Variants in STMN1 observed in about 807,000 individuals in gnomAD.
The protein encoded by STMN1 is stathmin.
STMN1 carries 3 observed loss-of-function variants against 19.7 expected under a neutral mutation model. That is an observed-to-expected ratio of 0.15 (90% CI 0.07 to 0.39). The LOEUF is 0.39. STMN1 is among the 10% of genes least tolerant of loss of function. The pLI, the probability that STMN1 is intolerant of heterozygous loss-of-function variation, is 1.00. For missense variants in STMN1, 99 were observed against 176.0 expected, an observed-to-expected ratio of 0.56 and a Z score of 2.48; for synonymous variants, 59 against 58.9, an observed-to-expected ratio of 1.00 and a Z score of -0.01.
chr1:25,889,217 T>C (rs372644858), intron 4 of STMN1: 9 of 287,394 alleles, frequency 3.1e-5, no homozygotes, highest in East Asian at 2.8e-4. Context: ...ACATGTTTTA[T>C]TGGGAATACA....
chr1:25,887,801 G>A (rs1020164957), intron 4 of STMN1, among the ~76,000 whole-genome samples: 2 of 151,996 alleles, frequency 1.3e-5, no homozygotes, highest in Non-Finnish European at 2.9e-5. Context: ...GTTCTCCTGC[G>A]TCAGCCTCCT....
chr1:25,904,048 C>G (rs2048906974), intron 2 of STMN1, among the ~76,000 whole-genome samples: 1 of 152,156 alleles, frequency 6.6e-6, no homozygotes, highest in East Asian at 1.9e-4. Context: ...TACCATGGCT[C>G]ATGCCTATAA....
downstream of STMN1, among the ~76,000 whole-genome samples, chr1:25,896,245 T>A: frequency 6.6e-6 from 1 of 152,174 alleles, no homozygotes; most frequent in East Asian, 1.9e-4. Context: ...CATGATAACC[T>A]CATAGGGCTG....
intron 4 of STMN1, 175 bp downstream of exon 4, chr1:25,901,316 T>G: frequency 8.9e-7 from 1 of 1,122,586 alleles, no homozygotes; most frequent in Non-Finnish European, 1.2e-6. Context: ...ACTGTGCAAT[T>G]ATGCTGGGAA....
At chr1:25,885,797 C>T (rs773031895) in exon 5 of STMN1, 1 of 1,551,660 alleles carries the variant, frequency 6.4e-7, no homozygotes, top group Non-Finnish European at 8.7e-7. Flanking sequence ...AGGGCAGGAA[C>T]AGAGTGGAGA....
At chr1:25,904,214 G>A (rs1451996222) in intron 2 of STMN1, among the ~76,000 whole-genome samples, 1 of 152,080 alleles carries the variant, frequency 6.6e-6, no homozygotes, top group Non-Finnish European at 1.5e-5. Context: ...ATGCTATGGA[G>A]GCTGAGGTGG....
downstream of STMN1, among the ~76,000 whole-genome samples, chr1:25,898,342 C>G (rs1244228554): frequency 6.6e-6 from 1 of 152,172 alleles, no homozygotes; most frequent in Non-Finnish European, 1.5e-5. Context: ...CTCAAAGCTT[C>G]CCAGACCACA....
chr1:25,892,704 G>T, intron 4 of STMN1: 2 of 589,896 alleles, frequency 3.4e-6, no homozygotes, highest in Non-Finnish European at 4.3e-6. Flanking sequence ...AGCCTTCCTG[G>T]CCCGGGCACA....
At chr1:25,901,117 CAAAAAAAAAAAAA>C (rs58316569) in intron 4 of STMN1, 30 bp from the exon 5 acceptor site, 2 of 1,201,880 alleles carry the variant, frequency 1.7e-6, no homozygotes, top group Non-Finnish European at 2.1e-6. Context: ...TGTCATCAGT[CAAAAAAAAAAAAA>C]AAAAAAAAAG....
intron 1 of STMN1, chr1:25,904,983 T>A (rs2048920932): frequency 5.8e-6 from 2 of 346,606 alleles, no homozygotes; most frequent in Non-Finnish European, 1.0e-5. Context: ...AACTCTTGGA[T>A]TTTTAAAATC....
chr1:25,888,567 T>C (rs1377388668), intron 4 of STMN1, among the ~76,000 whole-genome samples: 1 of 152,086 alleles, frequency 6.6e-6, no homozygotes, highest in East Asian at 1.9e-4. Context: ...CCCACGTCCC[T>C]CCTCCAAAAA....
At chr1:25,896,960 G>T (rs973059279), downstream of STMN1, among the ~76,000 whole-genome samples, 4 of 152,210 alleles carry the variant, frequency 2.6e-5, no homozygotes, top group Non-Finnish European at 5.9e-5. Context: ...CTTGGATTTG[G>T]AAGGGAACTT....
intron 3 of STMN1, 93 bp downstream of exon 3, chr1:25,903,548 G>A: frequency 1.3e-6 from 2 of 1,510,430 alleles, no homozygotes; most frequent in Non-Finnish European, 1.8e-6. Flanking sequence ...TCACAGTGTA[G>A]CTACAATTCT....
chr1:25,903,942 T>C, intron 2 of STMN1, 129 bp from the exon 3 acceptor site: 2 of 952,690 alleles, frequency 2.1e-6, no homozygotes, highest in Non-Finnish European at 3.0e-6. Flanking sequence ...GTTGTGTTTT[T>C]TTTCCCCTTT....
intron 1 of STMN1, chr1:25,905,626 GC>G (rs1236622342): frequency 1.3e-5 from 2 of 151,900 alleles, no homozygotes; most frequent in African/African-American, 2.4e-5. Flanking sequence ...GAGCCCGCGC[GC>G]GTGGGAAGGG....
At chr1:25,898,310 A>T (rs2048837983), downstream of STMN1, among the ~76,000 whole-genome samples, 1 of 152,182 alleles carries the variant, frequency 6.6e-6, no homozygotes, top group Non-Finnish European at 1.5e-5. Flanking sequence ...TTCCAAAAGG[A>T]CAAGCTCATG....
At chr1:25,905,865 C>A (rs213641) in intron 1 of STMN1, 98,700 of 152,194 alleles carry the variant, frequency 0.65, 32,773 homozygotes, top group African/African-American at 0.77. Flanking sequence ...CCGCCACCCA[C>A]GCTGTCCGCG....
At chr1:25,886,359 A>G (rs1023084495) in intron 4 of STMN1, among the ~76,000 whole-genome samples, 1 of 152,218 alleles carries the variant, frequency 6.6e-6, no homozygotes, top group Non-Finnish European at 1.5e-5. Context: ...TGACCTTGGA[A>G]AAATGGCTTC....
intron 4 of STMN1, chr1:25,892,418 C>G (rs2048784098): frequency 2.6e-6 from 1 of 379,850 alleles, no homozygotes; most frequent in Non-Finnish European, 3.6e-6. Flanking sequence ...AAATCTCTGC[C>G]CTGCCTCTGC....
Sources: allele counts gnomAD v4.1 joint callset (sites outside exome capture counted in the v4.1 genomes callset), GRCh38; gene constraint gnomAD v4.1.1; transcripts MANE v1.5; gene names NCBI Gene and HGNC (gene_info 2026-07-23, HGNC 2026-07-21).